Variants in XRN1 observed in about 807,000 individuals in gnomAD.
XRN1 encodes the protein strand-exchange protein 1 homolog.
Under a neutral mutation model 222.3 loss-of-function variants are expected in XRN1, and 67 were observed. The ratio of observed to expected loss-of-function variants is 0.30; its 90% CI spans 0.25 to 0.37. The LOEUF is 0.37. Among genes scored for constraint, XRN1 ranks in the 10% least tolerant of loss-of-function variants. The probability of loss-of-function intolerance (pLI) is 1.00; values close to 1 mark genes in which losing one functional copy is unlikely to be tolerated. For synonymous variants in XRN1, 643 were observed against 652.4 expected (o/e 0.99, Z 0.22); for missense variants, 1,707 against 2,000.2 (o/e 0.85, Z 2.80).
chr3:142,333,175 A>G (rs1223310884), intron 34 of XRN1, 86 bp from the exon 35 acceptor site: 32 of 1,423,668 alleles, frequency 2.2e-5, no homozygotes, highest in East Asian at 7.5e-5. Context: ...AAAAATGGTC[A>G]TTCGATTTTC....
At chr3:142,333,152 G>A (rs1419024773) in intron 34 of XRN1, 63 bp from the exon 35 acceptor site, 3 of 1,522,466 alleles carry the variant, frequency 2.0e-6, no homozygotes, top group Non-Finnish European at 1.8e-6. Context: ...ACAAAAAGCT[G>A]AGTTTTATGT....
At chr3:142,326,953 C>G (rs2065533866) in intron 37 of XRN1, among the ~76,000 whole-genome samples, 1 of 152,146 alleles carries the variant, frequency 6.6e-6, no homozygotes, top group Non-Finnish European at 1.5e-5. Context: ...TCCTTGCATA[C>G]CTGGGATGAA....
chr3:142,417,359 T>G (rs2068827713), intron 12 of XRN1, 130 bp from the exon 13 acceptor site: 2 of 698,944 alleles, frequency 2.9e-6, no homozygotes. Context: ...TATTTATGGC[T>G]AAAAATTATA....
At chr3:142,410,132 C>A (rs1373639993) in intron 15 of XRN1, among the ~76,000 whole-genome samples, 1 of 152,176 alleles carries the variant, frequency 6.6e-6, no homozygotes, top group African/African-American at 2.4e-5. Flanking sequence ...ACTGGACCTC[C>A]AGTAAAACGT....
chr3:142,330,610 T>C (rs1471372680), intron 36 of XRN1, among the ~76,000 whole-genome samples: 4 of 150,064 alleles, frequency 2.7e-5, no homozygotes, highest in East Asian at 1.9e-4. Flanking sequence ...TTTTTTTTTT[T>C]CCTATACTGA....
chr3:142,400,655 A>C (rs1055248363), intron 18 of XRN1, 108 bp from the exon 19 acceptor site: 1 of 804,784 alleles, frequency 1.2e-6, no homozygotes, highest in African/African-American at 1.8e-5. Flanking sequence ...TCTAAAATAA[A>C]CAAGTTGGGG....
chr3:142,417,139 C>G lies in XRN1; in HGVS notation c.1436+1G>C. ...CTTTATTTTTGTTTTTATTCTCTCA[C>G]CAGCTCCAGGACTGAACTCCATGAT... On this transcript the variant is annotated splice_donor_variant, in intron 13 of 40. Transcript: ENST00000392981. LOFTEE classifies it high-confidence loss of function. 1 of 1,605,874 alleles carries G rather than the reference C, an allele frequency of 6.2e-7. No homozygotes were observed. The highest frequency in any genetic ancestry group is 8.5e-7 in the Non-Finnish European group (1 of 1,175,482).
rs756051944 is a variant in XRN1 at position 142,403,820 on chromosome 3, A to C, written c.2005-48T>G. The C allele has an allele frequency of 1.9e-6, 3 of 1,610,418 alleles. No individual in the cohort carries two copies. In the Admixed American group the frequency reaches 5.0e-5, roughly 27 times the overall value. On this transcript the variant is annotated intron_variant, in intron 17 of 40. Transcript: ENST00000392981. ...TAATTTTAATTCTTTCTCCATAATC[A>C]CTTCACACTTAATAAAGTGAAAAAA...
intron 37 of XRN1, among the ~76,000 whole-genome samples, chr3:142,323,604 G>GT (rs1229392945): frequency 6.6e-6 from 1 of 151,994 alleles, no homozygotes; most frequent in Non-Finnish European, 1.5e-5. Context: ...AAAAAAACAC[G>GT]TATCACTAGG....
At chr3:142,343,993 A>G (rs185271449) in intron 33 of XRN1, among the ~76,000 whole-genome samples, 1 of 152,250 alleles carries the variant, frequency 6.6e-6, no homozygotes, top group Admixed American at 6.5e-5. Flanking sequence ...ACAGAAAGAC[A>G]AATTTCACAT....
Position 142,447,974 on chromosome 3 carries a change from G to C in XRN1, c.-30C>G. 6.2e-7 allele frequency: 1 copy of C among 1,610,310 alleles called. No homozygotes were observed. The highest frequency in any genetic ancestry group is 8.5e-7 in the Non-Finnish European group (1 of 1,178,266). On this transcript the variant is annotated 5_prime_UTR_variant, in exon 1 of 41. Transcript: ENST00000392981. The surrounding 1 kb of genome is among the most constrained non-coding windows in gnomAD (Gnocchi z 4.2). The stretch of plus-strand genomic sequence containing the variant: ...ATCGTCAACACTAATCCCAGTCAGG[G>C]CCAAACCGAAACCAAACGCCCCGCC...
intron 21 of XRN1, 66 bp from the exon 22 acceptor site, chr3:142,383,479 C>T (rs1285408073): frequency 2.2e-6 from 3 of 1,344,018 alleles, no homozygotes; most frequent in Non-Finnish European, 3.1e-6. Flanking sequence ...AGTTTTTTTC[C>T]TATGGGATTA....
At chr3:142,320,918 T>C (rs1017272935) in intron 37 of XRN1, among the ~76,000 whole-genome samples, 14 of 152,254 alleles carry the variant, frequency 9.2e-5, no homozygotes, top group Middle Eastern at 3.4e-3. Flanking sequence ...AATCCAATGT[T>C]GTGAAGCTTC....
At chr3:142,387,901 T>C (rs1226593388) in intron 20 of XRN1, among the ~76,000 whole-genome samples, 1 of 152,152 alleles carries the variant, frequency 6.6e-6, no homozygotes, top group Non-Finnish European at 1.5e-5. Flanking sequence ...TCTTGCTTCT[T>C]TTCTTGCCAT....
chr3:142,355,366 T>A, intron 32 of XRN1, 35 bp downstream of exon 32: 1 of 1,181,546 alleles, frequency 8.5e-7, no homozygotes, highest in Non-Finnish European at 1.2e-6. Flanking sequence ...ATATTTTCTT[T>A]AAATTAATTG....
chr3:142,376,217 TATA>T (rs779372920), intron 24 of XRN1: 92 of 627,514 alleles, frequency 1.5e-4, no homozygotes, highest in Non-Finnish European at 2.2e-4. Flanking sequence ...TGCAAGGAAA[TATA>T]CTACTGAGGT....
In XRN1 at chr3:142,418,886, A is replaced by G; in HGVS notation, c.1174-5T>C. 6.2e-7 allele frequency: 1 copy of G among 1,613,504 alleles called. No individual in the cohort carries two copies. The highest frequency in any genetic ancestry group is 1.1e-5 in the South Asian group (1 of 91,050). On this transcript the variant is annotated splice_region_variant and splice_polypyrimidine_tract_variant and intron_variant, in intron 10 of 40. Transcript: ENST00000392981. ...ACACAGAGAATTTTCCTGGCCCTGT[A>G]AATTGTAAATCAACATAAAATGAAT... is the stretch of plus-strand genomic sequence containing the variant.
chr3:142,321,563 T>A (rs2065356987), intron 37 of XRN1, among the ~76,000 whole-genome samples: 1 of 152,222 alleles, frequency 6.6e-6, no homozygotes, highest in Non-Finnish European at 1.5e-5. Context: ...CTGTGGGTAG[T>A]ACTGAGATCA....
At chr3:142,415,336 A>G (rs548164962) in intron 13 of XRN1, among the ~76,000 whole-genome samples, 1 of 152,322 alleles carries the variant, frequency 6.6e-6, no homozygotes, top group South Asian at 2.1e-4. Context: ...CATTTCAAAA[A>G]AAATGGAGGA....
Sources: gnomAD v4.1 joint callset for allele counts (sites outside exome capture counted in the v4.1 genomes callset) on GRCh38, gnomAD v4.1.1 for gene constraint, Gnocchi (gnomAD v3.1) non-coding constraint, MANE v1.5 for transcripts, NCBI Gene and HGNC (gene_info 2026-07-23, HGNC 2026-07-21) for gene names.